Variants in HEPACAM2 observed in about 807,000 individuals in gnomAD.
The protein encoded by HEPACAM2 is mitotic kinetics regulator.
Under a neutral mutation model 49.6 loss-of-function variants are expected in HEPACAM2, and 49 were observed. The ratio of observed to expected loss-of-function variants is 0.99; its 90% CI spans 0.78 to 1.25. The LOEUF (loss-of-function observed/expected upper bound fraction) is 1.25. Among genes scored for constraint, HEPACAM2 ranks in the 50% most tolerant of loss-of-function variants. HEPACAM2 has a pLI of 0.00. For missense variants in HEPACAM2, 525 were observed against 557.2 expected (o/e 0.94, Z 0.58); for synonymous variants, 197 against 202.9 (o/e 0.97, Z 0.25).
In HEPACAM2 at chr7:93,226,325, A is replaced by T. The variant is rs1794538685; in HGVS notation, c.79+43T>A. On this transcript the variant is annotated intron_variant, in intron 1 of 9. Transcript: ENST00000394468. ...CCTTATGTCCACAATTAAAAAAAAA[A>T]AACCTAACAAACAGCTAAAACACAA... is the stretch of plus-strand genomic sequence containing the variant. 3 of 1,453,134 alleles carry T rather than the reference A, an allele frequency of 2.1e-6. No individual in the cohort carries two copies. The East Asian group carries it at 6.8e-5, about 33-fold the overall frequency. The allele number at this position is 1,453,134 out of a possible 1,614,324, so 90.0% of individuals were successfully genotyped here.
At chr7:93,199,242 T>G (rs1180582252) in intron 4 of HEPACAM2, among the ~76,000 whole-genome samples, 1 of 152,130 alleles carries the variant, frequency 6.6e-6, no homozygotes, top group Non-Finnish European at 1.5e-5. Flanking sequence ...ATTAAACTCT[T>G]TCAAACCTTG....
At chr7:93,232,017 G>C in the HEPACAM2 span, among the ~76,000 whole-genome samples, 3 of 152,000 alleles carry the variant, frequency 2.0e-5, no homozygotes, top group South Asian at 2.1e-4. Flanking sequence ...GACCAGGTGA[G>C]GTTTCCTCCC....
At chr7:93,199,303 T>A (rs895666408) in intron 4 of HEPACAM2, among the ~76,000 whole-genome samples, 2 of 152,160 alleles carry the variant, frequency 1.3e-5, no homozygotes, top group African/African-American at 4.8e-5. Flanking sequence ...AATGGCAATT[T>A]ATTGATCCTA....
chr7:93,206,008 C>A (rs1794018645), intron 4 of HEPACAM2, among the ~76,000 whole-genome samples: 1 of 152,104 alleles, frequency 6.6e-6, no homozygotes, highest in Admixed American at 6.6e-5. Flanking sequence ...AAGACTGTAG[C>A]TGTCTTTAGA....
At chr7:93,193,176 C>G (rs1306108279) in intron 8 of HEPACAM2, among the ~76,000 whole-genome samples, 1 of 152,082 alleles carries the variant, frequency 6.6e-6, no homozygotes, top group Non-Finnish European at 1.5e-5. Flanking sequence ...CTCTTGATAA[C>G]TCTGAAGAGT....
intron 1 of HEPACAM2, among the ~76,000 whole-genome samples, chr7:93,220,691 C>A (rs1269651745): frequency 9.2e-5 from 14 of 152,202 alleles, no homozygotes; most frequent in Admixed American, 9.2e-4. Flanking sequence ...TAGCCCTGGG[C>A]AGTGCTGGGG....
intron 9 of HEPACAM2, among the ~76,000 whole-genome samples, 169 bp downstream of exon 9, chr7:93,192,085 G>GT (rs1405607163): frequency 6.6e-6 from 1 of 152,106 alleles, no homozygotes; most frequent in Non-Finnish European, 1.5e-5. Context: ...GTGTTTGCCT[G>GT]TTTTGTTTCT....
intron 8 of HEPACAM2, among the ~76,000 whole-genome samples, chr7:93,192,610 T>C (rs1333043016): frequency 2.6e-5 from 4 of 152,054 alleles, no homozygotes; most frequent in Non-Finnish European, 5.9e-5. Context: ...TTTTCTTCAT[T>C]TAAGAAGAAA....
Position 93,195,915 on chromosome 7 carries a change from CAA to C in HEPACAM2, c.1202-16_1202-15del. 1 of 1,586,106 alleles carries C rather than the reference CAA, an allele frequency of 6.3e-7. No homozygotes were observed. The highest frequency in any genetic ancestry group is 8.6e-7 in the Non-Finnish European group (1 of 1,156,540). ...CATCTTCATGGCCTGAAATGTAAAACAAATACTGCTTACAAACCGAATGCCTT... is the reference window on the plus strand; with the variant it reads ...CATCTTCATGGCCTGAAATGTAAAACATACTGCTTACAAACCGAATGCCTT... On this transcript the variant is annotated splice_polypyrimidine_tract_variant and intron_variant, in intron 7 of 9. Coordinates refer to ENST00000394468, the MANE Select transcript of HEPACAM2 (RefSeq NM_001039372.4).
chr7:93,219,385 A>G lies in HEPACAM2; in HGVS notation c.146T>C (p.Leu49Pro). 6.2e-7 allele frequency: 1 copy of G among 1,613,992 alleles called. No individual in the cohort carries two copies. Among genetic ancestry groups the G allele is most frequent in the South Asian group, 1.1e-5 (1 of 91,080 alleles). ...HTVHGVRGQALYLPVHYGFHT... is the reference protein window; with the variant it reads ...HTVHGVRGQAPYLPVHYGFHT... ...GAAGCCATAGTGGACGGGTAGGTAG[A>G]GGGCCTGACCTCTGACGCCATGGAC... Residue 49 changes from leucine (L) to proline (P), a missense_variant, in exon 2 of 10, where the codon CTC becomes CCC. Coordinates refer to ENST00000394468, the MANE Select transcript of HEPACAM2 (RefSeq NM_001039372.4).
rs778175231 is a variant in HEPACAM2, at chr7:93,215,416, T to C, written c.700A>G (p.Met234Val). 13 of 1,613,288 alleles carry C rather than the reference T, an allele frequency of 8.1e-6. No homozygotes were observed. In the African/African-American group the frequency reaches 1.6e-4, roughly 20 times the overall value. The stretch of plus-strand genomic sequence containing the variant: ...ATAAACTTACAATATATGATGGGCA[T>C]AATGATATCACTTTCCATTTCACTG... ...PVSEMESDII[M>V]PIIYYGPYGL... Residue 234 changes from methionine to valine, a missense_variant, in exon 3 of 10, where the codon ATG (methionine) becomes GTG (valine). By Grantham distance (21) the Met-to-Val change is conservative (BLOSUM62 1). Transcript: ENST00000394468.
Position 93,215,640 on chromosome 7 carries a change from G to C in HEPACAM2, c.476C>G (p.Ala159Gly). The change falls in exon 3 of 10, where the codon GCT (alanine) becomes GGT (glycine). Residue 159 changes from alanine (A) to glycine (G), a missense_variant. Ala to Gly is a moderately conservative substitution (Grantham distance 60). Transcript: ENST00000394468. ...PVVQIHPPSG[A>G]VEYVGNMTLT... is the part of the protein sequence containing the mutation. ...GGTCATGTTCCCCACATACTCCACA[G>C]CCCCAGAGGGAGGATGAATCTGCAC... 1 of 1,613,638 alleles carries C rather than the reference G, an allele frequency of 6.2e-7. No individual in the cohort carries two copies. The highest frequency in any genetic ancestry group is 8.5e-7 in the Non-Finnish European group (1 of 1,179,770).
At chr7:93,226,505 A>AATTTCCCT, upstream of HEPACAM2, 3 of 1,321,568 alleles carry the variant, frequency 2.3e-6, no homozygotes, top group Non-Finnish European at 3.3e-6. Context: ...TTTATTTGCT[A>AATTTCCCT]GGGAAATTAG....
At chr7:93,204,470 C>T (rs148535031) in intron 4 of HEPACAM2, among the ~76,000 whole-genome samples, 2 of 152,008 alleles carry the variant, frequency 1.3e-5, no homozygotes, top group East Asian at 1.9e-4. Context: ...CAAGGAAGTC[C>T]GTAATTAAGG....
At position 93,211,096 on chromosome 7, in the gene HEPACAM2, AGAG is replaced by A. The variant is rs758913400; in HGVS notation, c.716-2223_716-2221del. On this transcript the variant is annotated intron_variant, in intron 3 of 9. Transcript: ENST00000394468. ...CAGCATTTTCTGACCAATCTGCCAC[AGAG>A]GAGACAAATTTTCTAAGCTATAACA... 6.0e-4 allele frequency among the ~76,000 whole-genome samples: 92 copies of A among 152,072 alleles called. 1 individual carries two copies. The highest frequency in any genetic ancestry group is 3.2e-4 in the Non-Finnish European group (22 of 67,962).
intron 4 of HEPACAM2, among the ~76,000 whole-genome samples, chr7:93,204,158 A>C (rs1039833440): frequency 6.6e-6 from 1 of 152,174 alleles, no homozygotes; most frequent in Non-Finnish European, 1.5e-5. Context: ...AAATGTAAAA[A>C]ATGGTAGCTT....
Position 93,192,303 on chromosome 7 carries a change from C to T in HEPACAM2, c.1336G>A (p.Val446Met), listed in dbSNP as rs374087314. Residue 446 changes from valine to methionine, a missense_variant, in exon 9 of 10, where the codon GTG becomes ATG. Coordinates refer to ENST00000394468, the MANE Select transcript of HEPACAM2 (RefSeq NM_001039372.4). ...GGGATGTGCTGAATAACTTCATACA[C>T]TGTACTGTGCAAATCTTGCCCCGAT... Reference protein sequence around the residue: ...CVSGQDLHSTVYEVIQHIPAQ... With the variant: ...CVSGQDLHSTMYEVIQHIPAQ... 2 of 1,612,794 alleles carry T rather than the reference C, an allele frequency of 1.2e-6. No homozygotes were observed. The highest frequency in any genetic ancestry group is 1.3e-5 in the African/African-American group (1 of 74,840).
At chr7:93,213,039 A>C (rs959126201) in intron 3 of HEPACAM2, among the ~76,000 whole-genome samples, 2 of 152,010 alleles carry the variant, frequency 1.3e-5, no homozygotes, top group African/African-American at 2.4e-5. Flanking sequence ...TTAACAATTT[A>C]TGGCTGTGTG....
At chr7:93,218,995 T>A in intron 2 of HEPACAM2, 106 bp downstream of exon 2, 1 of 856,984 alleles carries the variant, frequency 1.2e-6, no homozygotes, top group Non-Finnish European at 1.8e-6. Flanking sequence ...AATTGATTTG[T>A]GCAAAGTTGT....
Sources: allele counts gnomAD v4.1 joint callset (sites outside exome capture counted in the v4.1 genomes callset), GRCh38; gene constraint gnomAD v4.1.1; transcripts MANE v1.5; gene names NCBI Gene and HGNC (gene_info 2026-07-23, HGNC 2026-07-21).